PTPRG: variants seen among roughly 807,000 people sequenced by gnomAD.
PTPRG encodes protein tyrosine phosphatase receptor type G.
In PTPRG, 102 loss-of-function variants were observed where a neutral mutation model predicts 165.3. That is an observed-to-expected ratio of 0.62 (90% CI 0.53 to 0.73). The LOEUF (loss-of-function observed/expected upper bound fraction) is 0.73, where lower values mean the gene tolerates loss of function less well. Ranked by LOEUF, PTPRG falls within the 30% of genes least tolerant of loss-of-function variation. The pLI is 0.00. For missense variants in PTPRG, 1,866 were observed against 1,861.4 expected (o/e 1.00, Z -0.05); for synonymous variants, 675 against 669.5 (o/e 1.01, Z -0.13).
chr3:61,660,933 C>T (rs901784339), intron 1 of PTPRG, among the ~76,000 whole-genome samples: 5 of 152,114 alleles, frequency 3.3e-5, no homozygotes, highest in South Asian at 4.1e-4. Context: ...ACCTGGGAGG[C>T]GGAGGTTGCA....
intron 4 of PTPRG, among the ~76,000 whole-genome samples, chr3:62,027,320 G>A (rs552048298): frequency 6.6e-6 from 1 of 152,226 alleles, no homozygotes; most frequent in Admixed American, 6.5e-5. Context: ...TCTCCAGAGT[G>A]GTGTCCCTTA....
At chr3:62,251,705 A>T (rs1303397174) in intron 15 of PTPRG, among the ~76,000 whole-genome samples, 2 of 152,212 alleles carry the variant, frequency 1.3e-5, no homozygotes, top group Non-Finnish European at 2.9e-5. Context: ...ATTAAGAATT[A>T]AAAAGTTTAA....
intron 5 of PTPRG, chr3:62,124,525 C>T (rs1258569024): frequency 5.7e-5 from 88 of 1,549,616 alleles, no homozygotes; most frequent in East Asian, 2.9e-4. Flanking sequence ...GGTCATCCAC[C>T]GGGGTTTTGC....
At chr3:61,751,979 G>A (rs1033245671) in intron 2 of PTPRG, among the ~76,000 whole-genome samples, 9 of 151,794 alleles carry the variant, frequency 5.9e-5, no homozygotes, top group African/African-American at 2.2e-4. Context: ...GGGTGACATA[G>A]CATGCCTCTG....
chr3:62,046,120 C>T (rs1700283164), intron 4 of PTPRG, among the ~76,000 whole-genome samples: 1 of 152,184 alleles, frequency 6.6e-6, no homozygotes, highest in African/African-American at 2.4e-5. Context: ...CTCTAGTTAC[C>T]TTACTAGGGC....
At chr3:61,846,686 A>G (rs680333) in intron 2 of PTPRG, among the ~76,000 whole-genome samples, 64,850 of 151,986 alleles carry the variant, frequency 0.43, 15,033 homozygotes, top group East Asian at 0.61. Context: ...AGGTTGAAGT[A>G]GACAGATCAC....
intron 2 of PTPRG, among the ~76,000 whole-genome samples, chr3:61,838,554 T>G (rs2036534756): frequency 6.6e-6 from 1 of 152,188 alleles, no homozygotes; most frequent in East Asian, 1.9e-4. Context: ...CTTCAACAGT[T>G]TATGGCTGGG....
intron 2 of PTPRG, among the ~76,000 whole-genome samples, chr3:61,833,190 G>A (rs2036358094): frequency 6.6e-6 from 1 of 151,966 alleles, no homozygotes; most frequent in South Asian, 2.1e-4. Flanking sequence ...CTGAGGTGCA[G>A]GTAGAGTCTC....
At chr3:61,804,821 T>C (rs1190843273) in intron 2 of PTPRG, among the ~76,000 whole-genome samples, 1 of 152,246 alleles carries the variant, frequency 6.6e-6, no homozygotes, top group Non-Finnish European at 1.5e-5. Flanking sequence ...CATCAGGCAT[T>C]TGCCAGTGCA....
At chr3:61,824,213 C>T (rs973941017) in intron 2 of PTPRG, among the ~76,000 whole-genome samples, 3 of 152,148 alleles carry the variant, frequency 2.0e-5, no homozygotes, top group Non-Finnish European at 4.4e-5. Context: ...CCACACTAGA[C>T]TATTCCTATT....
chr3:61,840,062 G>C (rs540892961), intron 2 of PTPRG, among the ~76,000 whole-genome samples: 125 of 152,238 alleles, frequency 8.2e-4, no homozygotes, highest in African/African-American at 2.8e-3. Flanking sequence ...TACACTTATA[G>C]TTTATATGCA....
chr3:62,031,314 G>T (rs1262325441), intron 4 of PTPRG, among the ~76,000 whole-genome samples: 2 of 152,180 alleles, frequency 1.3e-5, no homozygotes, highest in African/African-American at 4.8e-5. Context: ...TATATTCTCT[G>T]AAACGGAAAG....
intron 26 of PTPRG, 25 bp from the exon 27 acceptor site, chr3:62,281,538 C>CTTTTTTGTTTTTTTTTTTTTTTTTTTTTT: frequency 1.6e-6 from 1 of 620,526 alleles, no homozygotes; most frequent in Non-Finnish European, 2.1e-6. Context: ...ACTGCAGAGG[C>CTTTTTTGTTTTTTTTTTTTTTTTTTTTTT]TTTTTTTTTT....
chr3:61,685,346 GTTGGTTAAAATT>G (rs1262691757), intron 1 of PTPRG, among the ~76,000 whole-genome samples: 1 of 152,186 alleles, frequency 6.6e-6, no homozygotes, highest in African/African-American at 2.4e-5. Flanking sequence ...GGAGAAGAGG[GTTGGTTAAAATT>G]AAGAGTGTCC....
intron 5 of PTPRG, among the ~76,000 whole-genome samples, chr3:62,109,555 A>G (rs1293416397): frequency 6.6e-6 from 1 of 152,092 alleles, no homozygotes; most frequent in Admixed American, 6.6e-5. Context: ...TATGAAGTTT[A>G]AAGTAGTTTT....
intron 1 of PTPRG, among the ~76,000 whole-genome samples, chr3:61,712,966 A>G (rs1458944608): frequency 2.0e-5 from 3 of 152,148 alleles, no homozygotes; most frequent in South Asian, 2.1e-4. Flanking sequence ...ATGGAGGGGT[A>G]GGTTGTAGGC....
chr3:61,954,987 G>C (rs1016823599), intron 2 of PTPRG, among the ~76,000 whole-genome samples: 4 of 152,158 alleles, frequency 2.6e-5, no homozygotes, highest in African/African-American at 9.7e-5. Flanking sequence ...ATCAAGTTGT[G>C]ATAAATTGTT....
chr3:62,142,829 C>T (rs555238194), intron 6 of PTPRG, among the ~76,000 whole-genome samples: 1 of 152,288 alleles, frequency 6.6e-6, no homozygotes, highest in East Asian at 1.9e-4. Flanking sequence ...ACAAAGGGCG[C>T]CTCACTGCTG....
intron 23 of PTPRG, 118 bp from the exon 24 acceptor site, chr3:62,275,755 T>C (rs1406061418): frequency 8.4e-6 from 6 of 715,404 alleles, no homozygotes; most frequent in Non-Finnish European, 1.4e-5. Flanking sequence ...AAAAGGTTCT[T>C]TGTGGCACAG....
Sources: allele counts gnomAD v4.1 joint callset (sites outside exome capture counted in the v4.1 genomes callset), GRCh38; gene constraint gnomAD v4.1.1; transcripts MANE v1.5; gene names NCBI Gene and HGNC (gene_info 2026-07-23, HGNC 2026-07-21).